SPATA6: variants seen among roughly 807,000 people sequenced by gnomAD.
The protein encoded by SPATA6 is spermatogenesis-associated protein 6.
A neutral mutation model predicts 65.3 loss-of-function variants in SPATA6; 56 were observed. The ratio of observed to expected loss-of-function variants is 0.86; its 90% CI spans 0.69 to 1.07. The LOEUF is 1.07. Ranked by LOEUF, SPATA6 falls within the 50% of genes least tolerant of loss-of-function variation. The pLI, the probability that SPATA6 is intolerant of heterozygous loss-of-function variation, is 0.00. For missense variants in SPATA6, 590 were observed against 594.8 expected (o/e 0.99, Z 0.08); for synonymous variants, 199 against 213.2 (o/e 0.93, Z 0.58).
downstream of SPATA6, among the ~76,000 whole-genome samples, chr1:48,295,050 C>T (rs1644792570): frequency 6.6e-6 from 1 of 152,148 alleles, no homozygotes; most frequent in African/African-American, 2.4e-5. Flanking sequence ...CTATTTCTAA[C>T]ATAGTTCTTA....
At chr1:48,385,384 AT>A (rs1649357953) in intron 8 of SPATA6, 35 bp from the exon 9 acceptor site, 1 of 1,585,178 alleles carries the variant, frequency 6.3e-7, no homozygotes, top group Admixed American at 1.8e-5. Flanking sequence ...TAAAGTTTAA[AT>A]TTGGTTTCAT....
At chr1:48,348,505 C>T (rs1333521205) in intron 11 of SPATA6, among the ~76,000 whole-genome samples, 1 of 151,896 alleles carries the variant, frequency 6.6e-6, no homozygotes. Flanking sequence ...TCTCCATCAC[C>T]TTTTTCAAGC....
intron 1 of SPATA6, among the ~76,000 whole-genome samples, chr1:48,454,637 G>T: frequency 6.6e-6 from 1 of 152,100 alleles, no homozygotes; most frequent in Non-Finnish European, 1.5e-5. Context: ...TAAATTTCCT[G>T]AGGACAGAAA....
At chr1:48,377,378 A>G (rs1017876781) in intron 9 of SPATA6, among the ~76,000 whole-genome samples, 3 of 152,126 alleles carry the variant, frequency 2.0e-5, no homozygotes, top group Admixed American at 2.0e-4. Context: ...AGCAACACCA[A>G]TATTTTAGTT....
At chr1:48,310,889 C>G (rs1645189400) in intron 11 of SPATA6, among the ~76,000 whole-genome samples, 1 of 151,868 alleles carries the variant, frequency 6.6e-6, no homozygotes, top group Admixed American at 6.6e-5. Context: ...TACCTGGCCA[C>G]AATAACATGA....
downstream of SPATA6, among the ~76,000 whole-genome samples, chr1:48,295,036 C>A (rs971000394): frequency 4.6e-5 from 7 of 152,110 alleles, no homozygotes; most frequent in East Asian, 1.9e-4. Flanking sequence ...TTTTTATATA[C>A]CCTCTATTTC....
intron 1 of SPATA6, among the ~76,000 whole-genome samples, 187 bp downstream of exon 1, chr1:48,471,771 T>C (rs1198339087): frequency 6.6e-6 from 1 of 152,146 alleles, no homozygotes; most frequent in Non-Finnish European, 1.5e-5. Context: ...GTCAGGCCTC[T>C]GCGTGGCCGG....
chr1:48,314,392 C>G (rs1407556285), intron 11 of SPATA6, among the ~76,000 whole-genome samples: 2 of 152,090 alleles, frequency 1.3e-5, no homozygotes, highest in East Asian at 1.9e-4. Flanking sequence ...GAAACTCACT[C>G]AAAACCGCTC....
intron 1 of SPATA6, among the ~76,000 whole-genome samples, chr1:48,458,471 T>C (rs1657171084): frequency 6.6e-6 from 1 of 152,178 alleles, no homozygotes; most frequent in African/African-American, 2.4e-5. Flanking sequence ...TTTTGCTGAC[T>C]GTCAGTGGGC....
At chr1:48,381,971 A>G (rs1397295886) in intron 9 of SPATA6, among the ~76,000 whole-genome samples, 1 of 108,916 alleles carries the variant, frequency 9.2e-6, no homozygotes, top group Non-Finnish European at 1.8e-5. Context: ...CCCTTAATCC[A>G]TTTAACCCTG....
At chr1:48,463,998 T>TA (rs150989406) in intron 1 of SPATA6, among the ~76,000 whole-genome samples, 2,252 of 150,892 alleles carry the variant, frequency 0.015, 56 homozygotes, top group African/African-American at 0.052. Flanking sequence ...TTCACTGGAT[T>TA]AAAAAAAAAC....
chr1:48,283,142 A>G, the SPATA6 span, among the ~76,000 whole-genome samples: 9 of 131,574 alleles, frequency 6.8e-5, no homozygotes, highest in Middle Eastern at 4.1e-3. Context: ...ATGAGAACAC[A>G]TGGACACAGG....
chr1:48,364,997 A>G (rs1454163730), intron 9 of SPATA6, among the ~76,000 whole-genome samples: 1 of 152,212 alleles, frequency 6.6e-6, no homozygotes, highest in East Asian at 1.9e-4. Context: ...GAAAGGATCC[A>G]GTTTCAGCTT....
At chr1:48,313,436 G>C (rs1233089667) in intron 11 of SPATA6, among the ~76,000 whole-genome samples, 1 of 152,050 alleles carries the variant, frequency 6.6e-6, no homozygotes, top group African/African-American at 2.4e-5. Flanking sequence ...TTCATATCCA[G>C]CCAAACTAAG....
At chr1:48,436,257 T>A (rs1331521084) in intron 3 of SPATA6, 5 of 1,613,698 alleles carry the variant, frequency 3.1e-6, no homozygotes, top group Non-Finnish European at 4.2e-6. Flanking sequence ...AAAACTGCAA[T>A]GAAGAACGCC....
rs773940803 is a variant in SPATA6 at position 48,298,909 on chromosome 1, TA to T, written c.1287-17del. The stretch of plus-strand genomic sequence containing the variant: ...CTGACATGAGCTATAAAAAGGGATA[TA>T]AAAGGTTCAAAACAATAATGAAACA... On this transcript the variant is annotated splice_polypyrimidine_tract_variant and intron_variant, in intron 12 of 12. Coordinates refer to ENST00000371847, the MANE Select transcript of SPATA6 (RefSeq NM_019073.4). 1.2e-6 allele frequency: 2 copies of T among 1,606,248 alleles called. No homozygotes were observed. The highest frequency in any genetic ancestry group is 8.5e-7 in the Non-Finnish European group (1 of 1,177,238).
At chr1:48,463,000 C>T (rs1160000793) in intron 1 of SPATA6, among the ~76,000 whole-genome samples, 2 of 152,148 alleles carry the variant, frequency 1.3e-5, no homozygotes, top group South Asian at 2.1e-4. Context: ...TCCTTGAGCT[C>T]GGACATCCAT....
the SPATA6 span, chr1:48,263,196 A>C: frequency 2.0e-5 from 3 of 152,228 alleles, no homozygotes; most frequent in Non-Finnish European, 4.4e-5. Context: ...AAAGCTCTTT[A>C]CAACACATCT....
intron 11 of SPATA6, among the ~76,000 whole-genome samples, chr1:48,330,247 G>C (rs1263486869): frequency 6.6e-6 from 1 of 152,210 alleles, no homozygotes; most frequent in South Asian, 2.1e-4. Flanking sequence ...CAGCTGGAGG[G>C]TGTAGCCTCC....
Sources: allele counts gnomAD v4.1 joint callset (sites outside exome capture counted in the v4.1 genomes callset), GRCh38; gene constraint gnomAD v4.1.1; transcripts MANE v1.5; gene names NCBI Gene and HGNC (gene_info 2026-07-23, HGNC 2026-07-21).